Variants in ERCC1 observed in about 807,000 individuals in gnomAD.
ERCC1 encodes ERCC excision repair 1, endonuclease non-catalytic subunit.
A neutral mutation model predicts 37.6 loss-of-function variants in ERCC1; 36 were observed. That is an observed-to-expected ratio of 0.96 (90% CI 0.73 to 1.26). The LOEUF is 1.26. ERCC1 is among the 50% of genes most tolerant of loss of function. ERCC1 has a pLI of 0.00. For synonymous variants in ERCC1, 156 were observed against 162.1 expected (o/e 0.96, Z 0.28); for missense variants, 349 against 376.5 (o/e 0.93, Z 0.60).
rs369815616 is a variant in ERCC1 at position 45,414,057 on chromosome 19, T to C, written c.703-23A>G. 5.7e-5 allele frequency: 91 copies of C among 1,603,534 alleles called. No individual in the cohort carries two copies. In the African/African-American group the frequency reaches 1.1e-3, roughly 20 times the overall value. ...CACCTGGAAAGGGTGGAGGCAGGAG[T>C]GTGTCGGAAGAAGAAAGGCCAGCAA... On this transcript the variant is annotated intron_variant, in intron 7 of 9. Coordinates refer to ENST00000300853, the MANE Select transcript of ERCC1 (RefSeq NM_001983.4).
chr19:45,431,761 C>T (rs754160465), intron 1 of ERCC1, among the ~76,000 whole-genome samples: 30 of 151,064 alleles, frequency 2.0e-4, no homozygotes, highest in Non-Finnish European at 2.8e-4. Context: ...CTTGGTGGCG[C>T]GTGCCTACGT....
rs558407910 is a variant in ERCC1 at position 45,420,585 on chromosome 19, T to G, written c.322-158A>C. On this transcript the variant is annotated intron_variant, in intron 3 of 9. Coordinates refer to ENST00000300853, the MANE Select transcript of ERCC1 (RefSeq NM_001983.4). This position sits in a 1 kb window ranked among gnomAD's most constrained non-coding sequence, Gnocchi z 4.8. ...CCCACACCTCCTCCCTCCTCCCACC[T>G]GTGGCAGGGTCTTTTCCAGCTTCTC... 1.6e-4 allele frequency among the ~76,000 whole-genome samples: 24 copies of G among 152,018 alleles called. No homozygotes were observed. The highest frequency in any genetic ancestry group is 5.5e-4 in the African/African-American group (23 of 41,476).
At chr19:45,447,091 T>C (rs1179632246) in intron 1 of ERCC1, among the ~76,000 whole-genome samples, 1 of 151,790 alleles carries the variant, frequency 6.6e-6, no homozygotes, top group African/African-American at 2.4e-5. Context: ...GCACAGAGGG[T>C]CCACCCAGAA....
rs1974375811 is a variant in ERCC1 at position 45,420,869 on chromosome 19, T to C, written c.321+309A>G. Among the ~76,000 whole-genome samples the C allele has an allele frequency of 6.6e-6, 1 of 152,064 alleles. No individual in the cohort carries two copies. Among genetic ancestry groups the C allele is most frequent in the Non-Finnish European group, 1.5e-5 (1 of 67,990 alleles). ...AACTCCTGACCTCAGGTGATCCACC[T>C]GCCTCAGCCTCTCCAAAGTGCTGGG... is the stretch of plus-strand genomic sequence containing the variant. On this transcript the variant is annotated intron_variant, in intron 3 of 9. Coordinates refer to ENST00000300853, the MANE Select transcript of ERCC1 (RefSeq NM_001983.4). The surrounding 1 kb of genome is among the most constrained non-coding windows in gnomAD (Gnocchi z 4.8).
intron 1 of ERCC1, among the ~76,000 whole-genome samples, chr19:45,432,860 A>G (rs980652172): frequency 3.3e-5 from 5 of 152,104 alleles, no homozygotes; most frequent in African/African-American, 9.7e-5. Flanking sequence ...TGAGGTTGGG[A>G]GTTCGAGACC....
intron 7 of ERCC1, 50 bp from the exon 8 acceptor site, chr19:45,414,084 A>T: frequency 6.7e-7 from 1 of 1,501,760 alleles, no homozygotes; most frequent in Non-Finnish European, 9.2e-7. Flanking sequence ...GGCCAGCAAG[A>T]CTGAGCCTAG....
At chr19:45,413,233 TG>T (rs1377422267) in intron 9 of ERCC1, among the ~76,000 whole-genome samples, 1 of 152,198 alleles carries the variant, frequency 6.6e-6, no homozygotes, top group Non-Finnish European at 1.5e-5. Context: ...TTTTTGTATA[TG>T]GCGAGAGATA....
chr19:45,416,582 G>A, intron 6 of ERCC1: 2 of 517,944 alleles, frequency 3.9e-6, no homozygotes, highest in Non-Finnish European at 3.5e-6. Context: ...CCCCAAGGCA[G>A]AGCCGAGATC....
intron 2 of ERCC1, 39 bp from the exon 3 acceptor site, chr19:45,421,432 G>A (rs1974421139): frequency 6.8e-7 from 1 of 1,472,516 alleles, no homozygotes; most frequent in Non-Finnish European, 9.3e-7. Flanking sequence ...ACTGGTTGGG[G>A]TGAGCAGAGG....
chr19:45,419,891 T>G (rs1389120524), intron 4 of ERCC1, among the ~76,000 whole-genome samples: 8 of 122,658 alleles, frequency 6.5e-5, no homozygotes, highest in African/African-American at 2.2e-4. Context: ...CCTCCTCCCT[T>G]AGACCCAGGA....
chr19:45,412,996 C>T (rs1973833671), intron 9 of ERCC1, among the ~76,000 whole-genome samples: 1 of 152,158 alleles, frequency 6.6e-6, no homozygotes, highest in East Asian at 1.9e-4. Context: ...CCGCCTCAGC[C>T]TCTCAAAGTG....
chr19:45,450,887 G>GCGCCCCCCC (rs1967097094), intron 1 of ERCC1, among the ~76,000 whole-genome samples: 1 of 59,358 alleles, frequency 1.7e-5, no homozygotes, highest in African/African-American at 5.0e-5. Flanking sequence ...CCGTGCGCCC[G>GCGCCCCCCC]CCCCCCCCCC....
rs879737645 is a variant in ERCC1, at chr19:45,413,982, G to A, written c.755C>T (p.Thr252Ile). 2.5e-6 allele frequency: 4 copies of A among 1,613,920 alleles called. No homozygotes were observed. The highest frequency in any genetic ancestry group is 3.4e-6 in the Non-Finnish European group (4 of 1,179,956). ...CCTTACTCCAAATGTGGTCAGGAGG[G>A]TCTGACTGTCCGTTTTGTTGACTGA... ...VKSVNKTDSQTLLTTFGSLEQ... is the reference protein window; with the variant it reads ...VKSVNKTDSQILLTTFGSLEQ... Residue 252 changes from threonine (T) to isoleucine (I), a missense_variant, in exon 8 of 10, where the codon ACC (threonine) becomes ATC (isoleucine). By Grantham distance (89) the Thr-to-Ile change is moderately conservative. Transcript: ENST00000300853.
chr19:45,438,327 C>T (rs1021047346), intron 1 of ERCC1, among the ~76,000 whole-genome samples: 50 of 152,208 alleles, frequency 3.3e-4, no homozygotes, highest in African/African-American at 1.2e-3. Context: ...TTCGGCCTCC[C>T]AAACTGCTGG....
intron 9 of ERCC1, among the ~76,000 whole-genome samples, chr19:45,412,471 T>G (rs1973802264): frequency 6.6e-6 from 1 of 152,158 alleles, no homozygotes. Context: ...ACTGTAGTTT[T>G]GATTTGCATT....
intron 1 of ERCC1, among the ~76,000 whole-genome samples, chr19:45,444,338 C>A (rs1401226474): frequency 1.3e-5 from 2 of 149,584 alleles, no homozygotes; most frequent in African/African-American, 4.9e-5. Flanking sequence ...AAGGCCGGCC[C>A]GCGCCCCTCC....
chr19:45,408,172 C>G lies in ERCC1; in HGVS notation c.*1503G>C. The G allele has an allele frequency of 6.2e-7, 1 of 1,609,506 alleles. No individual in the cohort carries two copies. The highest frequency in any genetic ancestry group is 1.1e-5 in the South Asian group (1 of 90,756). On this transcript the variant is annotated 3_prime_UTR_variant, in exon 10 of 10. Transcript: ENST00000300853. Reference sequence around the variant, plus strand: ...ATGTGCCTCTCTCTGGCTCCCAGATCGTCAAGGGCAAATTGGCAGGCAAGC... The same window carrying G: ...ATGTGCCTCTCTCTGGCTCCCAGATGGTCAAGGGCAAATTGGCAGGCAAGC...
rs750837868 is a variant in ERCC1, at chr19:45,409,496, G to A, written c.*179C>T. 5.3e-5 allele frequency: 85 copies of A among 1,606,102 alleles called. No homozygotes were observed. Among genetic ancestry groups the A allele is most frequent in the Non-Finnish European group, 7.1e-5 (84 of 1,177,034 alleles). ...GCGGAAGCAGCAGCAGCAGCAGCCTGTGTAGTCTGCCCCCGGGAAACTGAG... is the reference window on the plus strand; with the variant it reads ...GCGGAAGCAGCAGCAGCAGCAGCCTATGTAGTCTGCCCCCGGGAAACTGAG... On this transcript the variant is annotated 3_prime_UTR_variant, in exon 10 of 10. Transcript: ENST00000300853.
At chr19:45,424,938 T>TTC (rs1465698316), upstream of ERCC1, among the ~76,000 whole-genome samples, 1 of 150,408 alleles carries the variant, frequency 6.6e-6, no homozygotes, top group Non-Finnish European at 1.5e-5. Context: ...TTTTTTTTTT[T>TTC]CGAGACGGAG....
Sources: gnomAD v4.1 joint callset for allele counts (sites outside exome capture counted in the v4.1 genomes callset) on GRCh38, gnomAD v4.1.1 for gene constraint, Gnocchi (gnomAD v3.1) non-coding constraint, MANE v1.5 for transcripts, NCBI Gene and HGNC (gene_info 2026-07-23, HGNC 2026-07-21) for gene names.